Variants in AGBL1 observed in about 807,000 individuals in gnomAD.
AGBL1 encodes cytosolic carboxypeptidase 4.
AGBL1 carries 130 observed loss-of-function variants against 118.9 expected under a neutral mutation model. The observed-to-expected ratio is 1.09, with a 90% CI of 0.95 to 1.26. The LOEUF (loss-of-function observed/expected upper bound fraction) is 1.26, where lower values mean the gene tolerates loss of function less well. AGBL1 is among the 50% of genes most tolerant of loss of function. The probability of loss-of-function intolerance (pLI) is 0.00; values close to 1 mark genes in which losing one functional copy is unlikely to be tolerated. For missense variants in AGBL1, 1,584 were observed against 1,298.1 expected (o/e 1.22, Z -3.38); for synonymous variants, 555 against 478.9 (o/e 1.16, Z -2.08).
At chr15:86,607,726 T>G (rs1265885693) in intron 21 of AGBL1, among the ~76,000 whole-genome samples, 1 of 152,192 alleles carries the variant, frequency 6.6e-6, no homozygotes. Flanking sequence ...GTGAGGTGCC[T>G]GTTCAGGTCA....
At chr15:86,177,112 T>C (rs918345256) in intron 5 of AGBL1, among the ~76,000 whole-genome samples, 4 of 152,204 alleles carry the variant, frequency 2.6e-5, no homozygotes, top group Non-Finnish European at 5.9e-5. Context: ...GAAAAAGATA[T>C]ACCAAGCTAA....
At chr15:86,208,855 A>C (rs4887415) in intron 5 of AGBL1, among the ~76,000 whole-genome samples, 85,224 of 151,906 alleles carry the variant, frequency 0.56, 24,153 homozygotes, top group South Asian at 0.74. Flanking sequence ...TTCTTGCCTT[A>C]TGCTAGCTTT....
At chr15:86,697,891 T>G (rs1023474732) in intron 22 of AGBL1, among the ~76,000 whole-genome samples, 1 of 151,984 alleles carries the variant, frequency 6.6e-6, no homozygotes, top group Non-Finnish European at 1.5e-5. Flanking sequence ...ATGTGAACTA[T>G]CTTCAGGTCT....
chr15:86,421,050 G>A (rs776187146), intron 18 of AGBL1, among the ~76,000 whole-genome samples: 10 of 152,064 alleles, frequency 6.6e-5, no homozygotes, highest in East Asian at 3.9e-4. Context: ...GATATTATCC[G>A]GGAAAACTTC....
chr15:86,081,327 C>T (rs897158091), intron 1 of AGBL1, among the ~76,000 whole-genome samples: 1 of 152,096 alleles, frequency 6.6e-6, no homozygotes, highest in Non-Finnish European at 1.5e-5. Context: ...AGGCGTGAGC[C>T]ACTGTACCTG....
chr15:86,300,026 CT>C (rs2079721427), intron 17 of AGBL1: 1 of 152,066 alleles, frequency 6.6e-6, no homozygotes, highest in African/African-American at 2.4e-5. Context: ...ATGGAGTTGC[CT>C]TTGTGTGGAA....
chr15:86,102,167 A>G (rs939147782), intron 1 of AGBL1, among the ~76,000 whole-genome samples: 6 of 151,970 alleles, frequency 3.9e-5, no homozygotes, highest in African/African-American at 1.4e-4. Flanking sequence ...CAGCCTCCTG[A>G]GTAGCTGGGA....
intron 11 of AGBL1, among the ~76,000 whole-genome samples, chr15:86,265,960 C>A (rs1335226882): frequency 2.6e-5 from 4 of 152,168 alleles, no homozygotes; most frequent in African/African-American, 9.6e-5. Flanking sequence ...GGTACACAGG[C>A]TTATTGGATC....
At chr15:86,971,771 C>A (rs1325091010) in intron 23 of AGBL1, among the ~76,000 whole-genome samples, 6 of 151,948 alleles carry the variant, frequency 3.9e-5, no homozygotes, top group African/African-American at 1.4e-4. Context: ...CCACCAAAAT[C>A]TCATCTTGAA....
At chr15:86,938,669 A>G (rs974464836) in intron 23 of AGBL1, 1 of 152,196 alleles carries the variant, frequency 6.6e-6, no homozygotes, top group African/African-American at 2.4e-5. Context: ...AAAGCAAGGT[A>G]TGAGGTTTTG....
Position 87,023,007 on chromosome 15 carries a change from A to C in AGBL1, c.3324-5818A>C, listed in dbSNP as rs374046902. 2.0e-4 allele frequency among the ~76,000 whole-genome samples: 31 copies of C among 152,132 alleles called. No individual in the cohort carries two copies. In the East Asian group the frequency reaches 4.1e-3, roughly 20 times the overall value. On this transcript the variant is annotated intron_variant, in intron 24 of 24. Coordinates refer to the AGBL1 transcript ENST00000441037. Reference sequence around the variant, plus strand: ...ATCCTGGAAACAACATCAAAACAAAACCACTTTAAAGCATAAATCTCACAG... The same window carrying C: ...ATCCTGGAAACAACATCAAAACAAACCCACTTTAAAGCATAAATCTCACAG...
At chr15:86,584,920 A>C (rs1285965212) in intron 21 of AGBL1, among the ~76,000 whole-genome samples, 1 of 151,746 alleles carries the variant, frequency 6.6e-6, no homozygotes, top group African/African-American at 2.4e-5. Flanking sequence ...ATCTATTCCT[A>C]GTTATTTTAT....
intron 22 of AGBL1, among the ~76,000 whole-genome samples, chr15:86,892,240 G>A (rs2080062229): frequency 1.3e-5 from 2 of 152,018 alleles, no homozygotes; most frequent in Admixed American, 1.3e-4. Context: ...TTCATAAAGA[G>A]TTTGGACTGC....
chr15:86,397,974 T>C (rs1250534323), intron 18 of AGBL1, among the ~76,000 whole-genome samples: 1 of 152,190 alleles, frequency 6.6e-6, no homozygotes, highest in African/African-American at 2.4e-5. Flanking sequence ...GGGTTAATGA[T>C]AAAGTCAGGG....
At chr15:86,780,299 CCTGGATTCTTTTCTGTT>C (rs1392981419) in intron 22 of AGBL1, among the ~76,000 whole-genome samples, 1 of 152,104 alleles carries the variant, frequency 6.6e-6, no homozygotes, top group Non-Finnish European at 1.5e-5. Flanking sequence ...AGAAACTATC[CCTGGATTCTTTTCTGTT>C]CTACTGATTT....
chr15:86,347,995 G>A (rs1168815853), intron 17 of AGBL1, among the ~76,000 whole-genome samples: 3 of 152,024 alleles, frequency 2.0e-5, no homozygotes, highest in African/African-American at 7.3e-5. Flanking sequence ...GAAAAGGCTG[G>A]GTAAGAGCCA....
intron 22 of AGBL1, among the ~76,000 whole-genome samples, chr15:86,855,935 T>C (rs549800751): frequency 6.6e-6 from 1 of 152,308 alleles, no homozygotes; most frequent in East Asian, 1.9e-4. Flanking sequence ...GAATGATTTA[T>C]TGAAAATATA....
chr15:86,191,666 T>C (rs1284179530), intron 5 of AGBL1, among the ~76,000 whole-genome samples: 8 of 152,096 alleles, frequency 5.3e-5, no homozygotes, highest in African/African-American at 1.9e-4. Context: ...TTAGAAATCC[T>C]GGGTCAGGCA....
chr15:86,234,887 G>T (rs1441754407), intron 6 of AGBL1, among the ~76,000 whole-genome samples: 2 of 152,178 alleles, frequency 1.3e-5, no homozygotes, highest in Non-Finnish European at 2.9e-5. Flanking sequence ...AGGGCATAAA[G>T]CCTGATGAAA....
Sources: gnomAD v4.1 joint callset for allele counts (sites outside exome capture counted in the v4.1 genomes callset) on GRCh38, gnomAD v4.1.1 for gene constraint, MANE v1.5 for transcripts, NCBI Gene and HGNC (gene_info 2026-07-23, HGNC 2026-07-21) for gene names.